The following PLD1 variants were observed in gnomAD, a reference collection of about 807,000 sequenced individuals.
PLD1 encodes phospholipase D1, also known as choline phosphatase 1.
In PLD1, 112 loss-of-function variants were observed where a neutral mutation model predicts 137.1. The ratio of observed to expected loss-of-function variants is 0.82; its 90% CI spans 0.70 to 0.96. PLD1 has a LOEUF of 0.96. Among genes scored for constraint, PLD1 ranks in the 40% least tolerant of loss-of-function variants. The pLI, the probability that PLD1 is intolerant of heterozygous loss-of-function variation, is 0.00. For synonymous variants in PLD1, 431 were observed against 454.7 expected (o/e 0.95, Z 0.66); for missense variants, 1,321 against 1,342.0 (o/e 0.98, Z 0.24).
At chr3:171,620,615 T>C in intron 23 of PLD1, 95 bp from the exon 24 acceptor site, 1 of 613,932 alleles carries the variant, frequency 1.6e-6, no homozygotes. Context: ...CTACTTAGAC[T>C]GTTCAGAATA....
chr3:171,648,299 T>G (rs1736435965), intron 21 of PLD1, among the ~76,000 whole-genome samples: 1 of 152,134 alleles, frequency 6.6e-6, no homozygotes, highest in African/African-American at 2.4e-5. Flanking sequence ...TTCAAATGAG[T>G]AACATATGCT....
intron 1 of PLD1, among the ~76,000 whole-genome samples, chr3:171,749,288 G>A (rs1184735873): frequency 1.3e-5 from 2 of 152,106 alleles, no homozygotes; most frequent in Non-Finnish European, 2.9e-5. Context: ...CAGTTCTGTT[G>A]CCTCACATAA....
At chr3:171,797,055 T>C (rs531481042) in intron 1 of PLD1, among the ~76,000 whole-genome samples, 11 of 152,296 alleles carry the variant, frequency 7.2e-5, no homozygotes, top group Admixed American at 6.5e-4. Flanking sequence ...TCATTCTTAA[T>C]TCCACCTGTT....
intron 19 of PLD1, among the ~76,000 whole-genome samples, chr3:171,667,075 C>A (rs1194227347): frequency 1.3e-5 from 2 of 152,098 alleles, no homozygotes; most frequent in African/African-American, 2.4e-5. Context: ...GCTTTTATTC[C>A]CTATAAATTC....
chr3:171,709,751 G>A (rs1181158237), intron 9 of PLD1, 42 bp from the exon 10 acceptor site: 2 of 1,548,670 alleles, frequency 1.3e-6, no homozygotes, highest in Non-Finnish European at 1.8e-6. Context: ...TGGTCACTCT[G>A]TTCTATCTCA....
At chr3:171,764,653 G>C (rs1011960168) in intron 1 of PLD1, among the ~76,000 whole-genome samples, 3 of 151,650 alleles carry the variant, frequency 2.0e-5, no homozygotes, top group African/African-American at 7.3e-5. Flanking sequence ...AGTTCATTTG[G>C]TCTTAATCTC....
intron 1 of PLD1, among the ~76,000 whole-genome samples, chr3:171,745,991 C>T (rs981757427): frequency 4.0e-5 from 6 of 150,102 alleles, no homozygotes; most frequent in Admixed American, 1.3e-4. Context: ...GAGCGGCTGG[C>T]GCCACCGGCC....
chr3:171,753,192 A>T (rs1353774140), intron 1 of PLD1, among the ~76,000 whole-genome samples: 1 of 152,208 alleles, frequency 6.6e-6, no homozygotes, highest in East Asian at 1.9e-4. Flanking sequence ...TGCCAGCCTC[A>T]CTGAGAAAGA....
intron 1 of PLD1, among the ~76,000 whole-genome samples, chr3:171,776,491 A>G (rs905849366): frequency 6.6e-6 from 1 of 152,240 alleles, no homozygotes; most frequent in African/African-American, 2.4e-5. Flanking sequence ...TTAATTTGCC[A>G]TTGGCTCTAA....
chr3:171,650,935 A>T (rs1014398420), intron 21 of PLD1, among the ~76,000 whole-genome samples: 6 of 152,070 alleles, frequency 3.9e-5, no homozygotes, highest in African/African-American at 1.4e-4. Context: ...AATTTTTGTG[A>T]TTGCTATAAA....
At chr3:171,758,885 T>C (rs1388603894) in intron 1 of PLD1, among the ~76,000 whole-genome samples, 1 of 152,192 alleles carries the variant, frequency 6.6e-6, no homozygotes, top group Non-Finnish European at 1.5e-5. Flanking sequence ...ATTCTACTTC[T>C]CTCTGAAATT....
chr3:171,708,674 A>AG, intron 11 of PLD1, 81 bp downstream of exon 11: 1 of 763,914 alleles, frequency 1.3e-6, no homozygotes, highest in South Asian at 1.6e-5. Context: ...CATAATGTGT[A>AG]ATTCTTGAAC....
chr3:171,709,754 C>T (rs1412482797), intron 9 of PLD1, 45 bp from the exon 10 acceptor site: 1 of 1,515,830 alleles, frequency 6.6e-7, no homozygotes, highest in East Asian at 2.3e-5. Context: ...TCACTCTGTT[C>T]TATCTCATGC....
At chr3:171,693,378 C>T (rs1220074820) in intron 12 of PLD1, among the ~76,000 whole-genome samples, 2 of 152,104 alleles carry the variant, frequency 1.3e-5, no homozygotes, top group African/African-American at 4.8e-5. Context: ...TAGAAAAACA[C>T]TGGTATTTTC....
At position 171,709,575 on chromosome 3, in the gene PLD1, T is replaced by C. The variant is rs1464168531; in HGVS notation, c.1046A>G (p.Asn349Ser). Residue 349 changes from asparagine to serine, a missense_variant, in exon 10 of 27, where the codon AAT (asparagine) becomes AGT (serine). Physicochemically the swap from Asn to Ser is conservative, Grantham distance 46. Coordinates refer to ENST00000351298, the MANE Select transcript of PLD1 (RefSeq NM_002662.5). ...RFGSYAAIQE[N>S]ALAKWYVNAK... ...AATAACTTACCATTTAGCTAAAGCA[T>C]TCTCTTGGATAGCAGCATATGACCC... 2 of 1,613,788 alleles carry C rather than the reference T, an allele frequency of 1.2e-6. No homozygotes were observed. Among genetic ancestry groups the C allele is most frequent in the East Asian group, 2.2e-5 (1 of 44,878 alleles).
chr3:171,670,271 G>A (rs151160968), intron 19 of PLD1, among the ~76,000 whole-genome samples: 88 of 152,316 alleles, frequency 5.8e-4, no homozygotes, highest in African/African-American at 1.8e-3. Context: ...AGAGCTGGAC[G>A]AGAGGACATG....
At chr3:171,620,686 A>C (rs1298105193) in intron 23 of PLD1, among the ~76,000 whole-genome samples, 166 bp from the exon 24 acceptor site, 1 of 147,616 alleles carries the variant, frequency 6.8e-6, no homozygotes, top group Admixed American at 6.8e-5. Flanking sequence ...TATTTTTGAT[A>C]TCTGAATTTC....
At chr3:171,788,388 A>G (rs749598157) in intron 1 of PLD1, among the ~76,000 whole-genome samples, 57 of 151,986 alleles carry the variant, frequency 3.8e-4, no homozygotes, top group Non-Finnish European at 5.9e-4. Flanking sequence ...TCACAAGGTA[A>G]CAACAATACA....
intron 8 of PLD1, among the ~76,000 whole-genome samples, chr3:171,722,530 A>G (rs1013568977): frequency 1.3e-5 from 2 of 152,130 alleles, no homozygotes; most frequent in Non-Finnish European, 2.9e-5. Context: ...GTCTCTACAG[A>G]TTTGTCTATT....
Sources: allele counts gnomAD v4.1 joint callset (sites outside exome capture counted in the v4.1 genomes callset), GRCh38; gene constraint gnomAD v4.1.1; transcripts MANE v1.5; gene names NCBI Gene and HGNC (gene_info 2026-07-23, HGNC 2026-07-21).